LPP: variants seen among roughly 807,000 people sequenced by gnomAD.
LPP encodes the protein lipoma-preferred partner.
LPP carries 38 observed loss-of-function variants against 60.4 expected under a neutral mutation model. The observed-to-expected ratio is 0.63, with a 90% CI of 0.49 to 0.83. LPP has a LOEUF of 0.83. Ranked by LOEUF, LPP falls within the 40% of genes least tolerant of loss-of-function variation. LPP has a pLI of 0.00. For synonymous variants in LPP, 328 were observed against 290.8 expected (o/e 1.13, Z -1.30); for missense variants, 902 against 783.6 (o/e 1.15, Z -1.80).
At chr3:188,718,689 A>T (rs1351196414) in intron 8 of LPP, among the ~76,000 whole-genome samples, 1 of 152,214 alleles carries the variant, frequency 6.6e-6, no homozygotes, top group Non-Finnish European at 1.5e-5. Flanking sequence ...GGCACATCGG[A>T]GATATTTAAT....
chr3:188,593,008 T>C (rs1009974999), intron 6 of LPP, among the ~76,000 whole-genome samples: 1 of 152,182 alleles, frequency 6.6e-6, no homozygotes, highest in African/African-American at 2.4e-5. Context: ...TCTTCTTGAA[T>C]AATTCTGTAT....
At chr3:188,396,823 G>GT (rs59103705) in intron 3 of LPP, among the ~76,000 whole-genome samples, 6,996 of 152,154 alleles carry the variant, frequency 0.046, 554 homozygotes, top group African/African-American at 0.16. Context: ...TAAGGAGCCC[G>GT]TTTTTTTGCC....
At chr3:188,378,265 T>C (rs1473275582) in intron 3 of LPP, among the ~76,000 whole-genome samples, 1 of 152,232 alleles carries the variant, frequency 6.6e-6, no homozygotes, top group Non-Finnish European at 1.5e-5. Context: ...CTGCAGAGGT[T>C]ACTGCTGTCT....
intron 11 of LPP, among the ~76,000 whole-genome samples, 154 bp downstream of exon 11, chr3:188,872,917 G>A (rs751308212): frequency 2.6e-5 from 4 of 152,136 alleles, no homozygotes; most frequent in Admixed American, 6.5e-5. Context: ...CTAGTATTCC[G>A]AGCACATGCT....
intron 9 of LPP, among the ~76,000 whole-genome samples, chr3:188,840,063 C>T (rs1240235043): frequency 1.3e-5 from 2 of 152,124 alleles, no homozygotes; most frequent in African/African-American, 4.8e-5. Context: ...TCCTAGAATA[C>T]TCAGAAGACA....
At chr3:188,189,787 C>T (rs570435089) in intron 1 of LPP, among the ~76,000 whole-genome samples, 1 of 152,188 alleles carries the variant, frequency 6.6e-6, no homozygotes, top group African/African-American at 2.4e-5. Flanking sequence ...CTGCCAGGGT[C>T]CTTTGTAGAC....
At chr3:188,402,102 TAAA>T (rs541510370) in intron 3 of LPP, among the ~76,000 whole-genome samples, 15 of 152,130 alleles carry the variant, frequency 9.9e-5, no homozygotes, top group Non-Finnish European at 1.9e-4. Flanking sequence ...TAATGTCTGT[TAAA>T]AGAAGATGTA....
rs190635362 is a variant in LPP at position 188,507,572 on chromosome 3, A to G, written c.307-17093A>G. ...AAACCCACTAGGCACAGATTCCTCA[A>G]CCTCAACTATGCATGTGAAAGGCTC... On this transcript the variant is annotated intron_variant, in intron 5 of 11. Coordinates refer to ENST00000617246, the MANE Select transcript of LPP (RefSeq NM_001375462.1). Among the ~76,000 whole-genome samples, 8 of 152,182 alleles carry G rather than the reference A, an allele frequency of 5.3e-5. No individual in the cohort carries two copies. In the East Asian group the frequency reaches 1.2e-3, roughly 22 times the overall value.
intron 1 of LPP, among the ~76,000 whole-genome samples, chr3:188,163,903 A>G (rs991396031): frequency 6.7e-6 from 1 of 150,332 alleles, no homozygotes; most frequent in Non-Finnish European, 1.5e-5. Context: ...GTGAGCCAGG[A>G]TGGCACCACT....
At chr3:188,288,595 T>C (rs4686946) in intron 2 of LPP, among the ~76,000 whole-genome samples, 101,741 of 151,516 alleles carry the variant, frequency 0.67, 34,873 homozygotes, top group African/African-American at 0.79. Flanking sequence ...CACACACACA[T>C]ACACACAGAT....
intron 2 of LPP, among the ~76,000 whole-genome samples, chr3:188,230,771 C>T (rs1157332721): frequency 7.1e-6 from 1 of 140,438 alleles, no homozygotes; most frequent in Non-Finnish European, 1.6e-5. Context: ...AAAACTCTGT[C>T]TCAAAAAAAA....
chr3:188,726,770 A>G (rs1159208195), intron 8 of LPP, among the ~76,000 whole-genome samples: 1 of 152,204 alleles, frequency 6.6e-6, no homozygotes, highest in Admixed American at 6.5e-5. Context: ...AATAAACAGC[A>G]ATAGCAACAT....
At chr3:188,595,203 A>G (rs1839753230) in intron 6 of LPP, among the ~76,000 whole-genome samples, 1 of 148,818 alleles carries the variant, frequency 6.7e-6, no homozygotes. Context: ...AAGAAACAAT[A>G]TAAGTGAATT....
chr3:188,204,591 T>G (rs1732630487), intron 1 of LPP, among the ~76,000 whole-genome samples: 2 of 152,196 alleles, frequency 1.3e-5, no homozygotes, highest in African/African-American at 4.8e-5. Flanking sequence ...ACCTGTTGGC[T>G]TCATTGTTCA....
intron 6 of LPP, among the ~76,000 whole-genome samples, chr3:188,602,728 TAA>T (rs113585439): frequency 9.9e-5 from 14 of 141,988 alleles, no homozygotes; most frequent in African/African-American, 3.1e-4. Flanking sequence ...GATTATTTAT[TAA>T]AAAAAAAAAA....
chr3:188,772,191 T>C (rs964943438), intron 9 of LPP, among the ~76,000 whole-genome samples: 8 of 152,172 alleles, frequency 5.3e-5, no homozygotes, highest in Non-Finnish European at 8.8e-5. Context: ...TTTACAACAC[T>C]TGCCCAAGGT....
chr3:188,277,195 C>T (rs972092717), intron 2 of LPP, among the ~76,000 whole-genome samples: 3 of 152,080 alleles, frequency 2.0e-5, no homozygotes, highest in African/African-American at 2.4e-5. Context: ...TGAGCCACCT[C>T]ACCTGGCCAA....
intron 5 of LPP, among the ~76,000 whole-genome samples, chr3:188,501,713 T>G (rs139777330): frequency 0.082 from 11,736 of 143,872 alleles, 598 homozygotes; most frequent in Middle Eastern, 0.13. Flanking sequence ...CACTCCAGCC[T>G]GGGTGACAGA....
At chr3:188,417,789 AG>A (rs1345037872) in intron 4 of LPP, among the ~76,000 whole-genome samples, 1 of 152,240 alleles carries the variant, frequency 6.6e-6, no homozygotes, top group African/African-American at 2.4e-5. Flanking sequence ...ACAAATGCTA[AG>A]GCAAGAAAGA....
Sources: allele counts gnomAD v4.1 joint callset (sites outside exome capture counted in the v4.1 genomes callset), GRCh38; gene constraint gnomAD v4.1.1; transcripts MANE v1.5; gene names NCBI Gene and HGNC (gene_info 2026-07-23, HGNC 2026-07-21).